SEMA3A: variants seen among roughly 807,000 people sequenced by gnomAD.
SEMA3A encodes semaphorin-3A.
A neutral mutation model predicts 97.9 loss-of-function variants in SEMA3A; 29 were observed. The ratio of observed to expected loss-of-function variants is 0.30; its 90% CI spans 0.22 to 0.40. The LOEUF is 0.40. SEMA3A is among the 10% of genes least tolerant of loss of function. SEMA3A has a pLI of 1.00. For synonymous variants in SEMA3A, 321 were observed against 323.7 expected (o/e 0.99, Z 0.09); for missense variants, 763 against 951.3 (o/e 0.80, Z 2.60).
intron 3 of SEMA3A, among the ~76,000 whole-genome samples, chr7:84,253,379 T>A (rs1365994898): frequency 6.6e-6 from 1 of 151,752 alleles, no homozygotes; most frequent in Non-Finnish European, 1.5e-5. Flanking sequence ...AAAAAAAAAT[T>A]GTGTTAAGGG....
chr7:84,342,964 A>G (rs1419738401), intron 2 of SEMA3A, among the ~76,000 whole-genome samples: 1 of 152,194 alleles, frequency 6.6e-6, no homozygotes, highest in African/African-American at 2.4e-5. Context: ...GCTAGTTATG[A>G]GTGAATAATA....
intron 1 of SEMA3A, among the ~76,000 whole-genome samples, chr7:84,384,713 T>C (rs1472530963): frequency 1.3e-5 from 2 of 152,102 alleles, no homozygotes; most frequent in African/African-American, 4.8e-5. Context: ...GAAACAAAAA[T>C]GGGCCAAACT....
At chr7:84,388,516 A>T (rs1327482330) in intron 1 of SEMA3A, among the ~76,000 whole-genome samples, 1 of 151,746 alleles carries the variant, frequency 6.6e-6, no homozygotes, top group Admixed American at 6.6e-5. Flanking sequence ...TTCAATTTTC[A>T]CTCTCTTGAC....
At chr7:84,192,564 T>G (rs141022254) in intron 1 of SEMA3A, among the ~76,000 whole-genome samples, 14 of 152,060 alleles carry the variant, frequency 9.2e-5, no homozygotes, top group South Asian at 2.1e-4. Flanking sequence ...TAATATATAC[T>G]GCTTGCTTCA....
At chr7:84,271,859 T>C (rs896676376) in intron 3 of SEMA3A, among the ~76,000 whole-genome samples, 2 of 152,090 alleles carry the variant, frequency 1.3e-5, no homozygotes, top group African/African-American at 2.4e-5. Context: ...CATGTAAATA[T>C]AACAATTCTA....
intron 10 of SEMA3A, 40 bp from the exon 11 acceptor site, chr7:84,005,598 T>C: frequency 7.8e-7 from 1 of 1,276,854 alleles, no homozygotes; most frequent in Non-Finnish European, 1.1e-6. Flanking sequence ...GATTAAAATC[T>C]AATAAACATA....
At chr7:84,062,216 C>T in intron 4 of SEMA3A, among the ~76,000 whole-genome samples, 1 of 152,156 alleles carries the variant, frequency 6.6e-6, no homozygotes, top group East Asian at 1.9e-4. Context: ...ACTTTCCTAA[C>T]ATAGTGTCAA....
rs114220983 is a variant in SEMA3A, at chr7:84,001,321, C to A, written c.1452+634G>T. On this transcript the variant is annotated intron_variant, in intron 12 of 16. Transcript: ENST00000265362. ...TGTCCTGCTGCTTCCACCCAACCCC[C>A]CTCTCACCCGTACCCCCATTCCTCC... Among the ~76,000 whole-genome samples the A allele has an allele frequency of 4.0e-3, 606 of 151,658 alleles. 4 individuals are homozygous for A. Among genetic ancestry groups the A allele is most frequent in the African/African-American group, 0.014 (567 of 41,352 alleles).
At chr7:84,062,722 A>C (rs1793289144) in intron 4 of SEMA3A, among the ~76,000 whole-genome samples, 1 of 152,124 alleles carries the variant, frequency 6.6e-6, no homozygotes, top group East Asian at 1.9e-4. Context: ...GGGCTTAAAA[A>C]ACGGCGCATC....
chr7:84,028,792 T>C (rs1791635867), intron 6 of SEMA3A, among the ~76,000 whole-genome samples: 1 of 151,970 alleles, frequency 6.6e-6, no homozygotes, highest in Non-Finnish European at 1.5e-5. Flanking sequence ...TATTTTTTTT[T>C]GTATTTTTAG....
At chr7:84,367,449 G>A (rs1046817983) in intron 2 of SEMA3A, among the ~76,000 whole-genome samples, 2 of 150,722 alleles carry the variant, frequency 1.3e-5, no homozygotes, top group Admixed American at 6.7e-5. Flanking sequence ...TTAAAATACC[G>A]CTTCTTAAGA....
At chr7:84,050,483 G>GT (rs1379176139) in intron 5 of SEMA3A, among the ~76,000 whole-genome samples, 4 of 151,888 alleles carry the variant, frequency 2.6e-5, no homozygotes, top group Non-Finnish European at 5.9e-5. Flanking sequence ...TTTTTCATGT[G>GT]TTTTTTGGCT....
chr7:84,171,467 C>G (rs1477335633), intron 1 of SEMA3A, among the ~76,000 whole-genome samples: 1 of 152,084 alleles, frequency 6.6e-6, no homozygotes, highest in Non-Finnish European at 1.5e-5. Flanking sequence ...TGGATTAACA[C>G]TTTGCCCTGA....
intron 4 of SEMA3A, among the ~76,000 whole-genome samples, chr7:84,090,913 AAAAATTAGC>A (rs1177347716): frequency 2.0e-5 from 3 of 150,928 alleles, no homozygotes; most frequent in African/African-American, 4.9e-5. Context: ...CTAAAAATAC[AAAAATTAGC>A]TGGGCGTGGT....
chr7:84,307,985 T>C (rs1251747134), intron 2 of SEMA3A, among the ~76,000 whole-genome samples: 1 of 152,006 alleles, frequency 6.6e-6, no homozygotes, highest in Non-Finnish European at 1.5e-5. Flanking sequence ...GGCCGAGGAT[T>C]TAATATATTT....
chr7:84,454,899 AAT>A (rs906768412), intron 1 of SEMA3A, among the ~76,000 whole-genome samples: 9 of 151,998 alleles, frequency 5.9e-5, no homozygotes, highest in African/African-American at 1.9e-4. Flanking sequence ...ATCTAAATAT[AAT>A]AGTTATTTTA....
chr7:84,467,744 C>T (rs1240444150), intron 1 of SEMA3A, among the ~76,000 whole-genome samples: 2 of 151,986 alleles, frequency 1.3e-5, no homozygotes, highest in East Asian at 3.9e-4. Context: ...TCACACAGAC[C>T]ATTTTCTCTA....
intron 4 of SEMA3A, among the ~76,000 whole-genome samples, chr7:84,096,720 TCA>T (rs2115877928): frequency 6.6e-6 from 1 of 152,198 alleles, no homozygotes; most frequent in South Asian, 2.1e-4. Flanking sequence ...TGATTTTAAT[TCA>T]CAGACAGGAA....
At chr7:84,327,016 C>T (rs1403126588) in intron 2 of SEMA3A, among the ~76,000 whole-genome samples, 2 of 151,918 alleles carry the variant, frequency 1.3e-5, no homozygotes, top group Non-Finnish European at 2.9e-5. Flanking sequence ...AAGAAACTAA[C>T]AGAATAAACA....
Sources: gnomAD v4.1 joint callset for allele counts (sites outside exome capture counted in the v4.1 genomes callset) on GRCh38, gnomAD v4.1.1 for gene constraint, MANE v1.5 for transcripts, NCBI Gene and HGNC (gene_info 2026-07-23, HGNC 2026-07-21) for gene names.